Variants in GALNT13 observed in about 807,000 individuals in gnomAD.
GALNT13 encodes polypeptide N-acetylgalactosaminyltransferase 13.
Under a neutral mutation model 64.2 loss-of-function variants are expected in GALNT13, and 28 were observed. That is an observed-to-expected ratio of 0.44 (90% CI 0.32 to 0.60). The LOEUF (loss-of-function observed/expected upper bound fraction) is 0.60, where lower values mean the gene tolerates loss of function less well. GALNT13 is among the 20% of genes least tolerant of loss of function. The pLI is 0.05. For synonymous variants in GALNT13, 214 were observed against 224.6 expected (o/e 0.95, Z 0.42); for missense variants, 577 against 669.8 (o/e 0.86, Z 1.53).
the GALNT13 span, among the ~76,000 whole-genome samples, chr2:153,795,656 T>C: frequency 6.6e-6 from 1 of 152,186 alleles, no homozygotes. Context: ...TGGATTCTAG[T>C]CAACTTTAGG....
chr2:153,555,041 A>T, the GALNT13 span, among the ~76,000 whole-genome samples: 12,210 of 152,148 alleles, frequency 0.08, 747 homozygotes, highest in East Asian at 0.36. Flanking sequence ...TAAATGAAAA[A>T]AATTTAACTC....
intron 9 of GALNT13, among the ~76,000 whole-genome samples, chr2:154,308,534 T>C (rs1294691757): frequency 6.6e-6 from 1 of 152,176 alleles, no homozygotes; most frequent in Non-Finnish European, 1.5e-5. Context: ...CCACATTTTG[T>C]TTCCAGCAAA....
chr2:154,271,030 T>C (rs889265879), intron 8 of GALNT13, among the ~76,000 whole-genome samples: 1 of 151,894 alleles, frequency 6.6e-6, no homozygotes, highest in African/African-American at 2.4e-5. Context: ...AAAATAGAAC[T>C]CACATACACA....
chr2:153,155,746 C>T, the GALNT13 span, among the ~76,000 whole-genome samples: 1 of 151,988 alleles, frequency 6.6e-6, no homozygotes. Context: ...CTGGTTATTT[C>T]TTGTCTTCTG....
chr2:153,667,347 G>A, the GALNT13 span, among the ~76,000 whole-genome samples: 2 of 152,066 alleles, frequency 1.3e-5, no homozygotes, highest in Admixed American at 6.6e-5. Context: ...ATTCTCCAAG[G>A]TCAACATGAA....
chr2:153,784,243 G>T, the GALNT13 span, among the ~76,000 whole-genome samples: 1 of 152,178 alleles, frequency 6.6e-6, no homozygotes, highest in African/African-American at 2.4e-5. Flanking sequence ...TCCAGGCTGA[G>T]GTGGTCTCAT....
the GALNT13 span, among the ~76,000 whole-genome samples, chr2:153,601,135 C>T: frequency 2.0e-5 from 3 of 150,602 alleles, no homozygotes; most frequent in Non-Finnish European, 3.0e-5. Context: ...AACATACATA[C>T]ATTCTTTTAA....
intron 11 of GALNT13, among the ~76,000 whole-genome samples, chr2:154,428,909 G>A (rs1245540099): frequency 2.6e-5 from 4 of 151,876 alleles, no homozygotes; most frequent in Non-Finnish European, 5.9e-5. Flanking sequence ...AGCCTCCCAC[G>A]GGCGCCTGCC....
At chr2:154,311,528 G>A (rs1291979451) in intron 9 of GALNT13, among the ~76,000 whole-genome samples, 1 of 152,144 alleles carries the variant, frequency 6.6e-6, no homozygotes, top group Non-Finnish European at 1.5e-5. Context: ...GGCAAGTGGA[G>A]ACAGGGCGAG....
At chr2:153,341,209 G>A in the GALNT13 span, among the ~76,000 whole-genome samples, 8 of 152,078 alleles carry the variant, frequency 5.3e-5, no homozygotes, top group African/African-American at 1.9e-4. Context: ...GTATTGCATG[G>A]GTTTTCTATA....
chr2:153,831,716 T>C, the GALNT13 span, among the ~76,000 whole-genome samples: 1 of 152,176 alleles, frequency 6.6e-6, no homozygotes, highest in African/African-American at 2.4e-5. Context: ...TCTGTGTTTC[T>C]ACAGTTCTCT....
the GALNT13 span, among the ~76,000 whole-genome samples, chr2:153,559,141 T>C: frequency 6.6e-6 from 1 of 152,200 alleles, no homozygotes; most frequent in Non-Finnish European, 1.5e-5. Flanking sequence ...ACATTTATTT[T>C]TGTAATATAA....
At chr2:154,380,465 CTT>C (rs1415835857) in intron 9 of GALNT13, among the ~76,000 whole-genome samples, 1 of 151,958 alleles carries the variant, frequency 6.6e-6, no homozygotes. Context: ...AAGTTCAACT[CTT>C]AAAATATTTT....
the GALNT13 span, among the ~76,000 whole-genome samples, chr2:153,649,423 A>G: frequency 2.0e-5 from 3 of 151,338 alleles, no homozygotes; most frequent in Non-Finnish European, 1.5e-5. Flanking sequence ...CAGCTCCTGG[A>G]TTCATTAATT....
the GALNT13 span, among the ~76,000 whole-genome samples, chr2:153,839,111 T>G: frequency 6.6e-6 from 1 of 151,958 alleles, no homozygotes. Flanking sequence ...TGTAGGTTGA[T>G]TTTGTATTCT....
chr2:153,404,099 TG>T, the GALNT13 span, among the ~76,000 whole-genome samples: 5 of 152,232 alleles, frequency 3.3e-5, no homozygotes. Flanking sequence ...CATTGGTGTG[TG>T]GCAAACCATA....
intron 8 of GALNT13, among the ~76,000 whole-genome samples, chr2:154,300,570 G>GTT (rs1471709677): frequency 6.6e-6 from 1 of 151,542 alleles, no homozygotes; most frequent in East Asian, 1.9e-4. Context: ...TAGCATATAT[G>GTT]TTATATATAT....
the GALNT13 span, among the ~76,000 whole-genome samples, chr2:153,635,896 G>A: frequency 6.6e-6 from 1 of 151,872 alleles, no homozygotes; most frequent in Non-Finnish European, 1.5e-5. Flanking sequence ...CAGATGCTTT[G>A]AGGCAGGGGT....
At chr2:153,981,955 TG>T (rs1320877325) in intron 3 of GALNT13, among the ~76,000 whole-genome samples, 4 of 152,072 alleles carry the variant, frequency 2.6e-5, no homozygotes, top group Admixed American at 6.6e-5. Flanking sequence ...TAATGTCAGT[TG>T]TGGCATTAGT....
Sources: gnomAD v4.1 joint callset for allele counts (sites outside exome capture counted in the v4.1 genomes callset) on GRCh38, gnomAD v4.1.1 for gene constraint, MANE v1.5 for transcripts, NCBI Gene and HGNC (gene_info 2026-07-23, HGNC 2026-07-21) for gene names.